The following PRKG1 variants were observed in gnomAD, a reference collection of about 807,000 sequenced individuals.
PRKG1 encodes cGMP-dependent protein kinase 1.
Under a neutral mutation model 88.1 loss-of-function variants are expected in PRKG1, and 35 were observed. The observed-to-expected ratio is 0.40, with a 90% confidence interval of 0.30 to 0.53. The LOEUF is 0.53. Among genes scored for constraint, PRKG1 ranks in the 20% least tolerant of loss-of-function variants. The pLI is 0.59. For synonymous variants in PRKG1, 303 were observed against 292.5 expected (o/e 1.04, Z -0.37); for missense variants, 540 against 839.8 (o/e 0.64, Z 4.41).
rs569445815 is a variant in PRKG1 at position 51,919,113 on chromosome 10, A to T, written c.762+11543A>T. Among the ~76,000 whole-genome samples the T allele has an allele frequency of 1.4e-4, 22 of 152,260 alleles. No individual in the cohort carries two copies. In the South Asian group the frequency reaches 3.3e-3, roughly 23 times the overall value. ...GTTCCAGGCCTCCCCAAGACCTTTG[A>T]CTACAGAGTACTTCTCTGAATCCAT... On this transcript the variant is annotated intron_variant, in intron 5 of 17. Transcript: ENST00000373980.
intron 7 of PRKG1, 44 bp downstream of exon 7, chr10:52,062,675 A>G (rs1284054574): frequency 6.8e-7 from 1 of 1,463,592 alleles, no homozygotes; most frequent in Admixed American, 1.9e-5. Flanking sequence ...TGAGTGCTAC[A>G]TAAATTTCTG....
intron 2 of PRKG1, among the ~76,000 whole-genome samples, chr10:51,309,520 G>A (rs950427162): frequency 3.4e-4 from 52 of 152,210 alleles, no homozygotes; most frequent in African/African-American, 1.2e-3. Flanking sequence ...CATCAGAAAA[G>A]AGCAAATTAA....
chr10:51,801,401 A>G (rs954073827), intron 3 of PRKG1, among the ~76,000 whole-genome samples: 1 of 152,170 alleles, frequency 6.6e-6, no homozygotes, highest in Non-Finnish European at 1.5e-5. Flanking sequence ...CTTAGCCAGT[A>G]GACTGTACAA....
chr10:51,034,668 TTATATATATATATA>T (rs1554831108), intron 1 of PRKG1, among the ~76,000 whole-genome samples: 13 of 68,188 alleles, frequency 1.9e-4, no homozygotes, highest in African/African-American at 6.0e-4. Context: ...AATATGTTAT[TTATATATATATATA>T]TATATATATA....
intron 2 of PRKG1, among the ~76,000 whole-genome samples, chr10:51,364,712 G>T (rs933990028): frequency 1.3e-5 from 2 of 151,808 alleles, no homozygotes; most frequent in African/African-American, 4.8e-5. Context: ...TAATTCTTTG[G>T]TGTAAATATC....
chr10:51,447,889 G>T (rs996558626), intron 2 of PRKG1, among the ~76,000 whole-genome samples: 5 of 152,034 alleles, frequency 3.3e-5, no homozygotes, highest in Non-Finnish European at 5.9e-5. Context: ...TCTAGCACAT[G>T]ACCATAAAAC....
At chr10:51,523,591 G>A (rs1457301082) in intron 3 of PRKG1, among the ~76,000 whole-genome samples, 2 of 152,136 alleles carry the variant, frequency 1.3e-5, no homozygotes, top group African/African-American at 4.8e-5. Flanking sequence ...GGATCATGGT[G>A]ACAATCTAAC....
intron 9 of PRKG1, among the ~76,000 whole-genome samples, chr10:52,171,575 A>T (rs974572673): frequency 6.6e-6 from 1 of 152,118 alleles, no homozygotes; most frequent in African/African-American, 2.4e-5. Flanking sequence ...ATTCTAGTAC[A>T]TGTAATCAGA....
rs531376411 is a variant in PRKG1, at chr10:51,122,989, G to A, written c.312-30175G>A. Among the ~76,000 whole-genome samples the A allele has an allele frequency of 2.6e-5, 4 of 152,184 alleles. No individual in the cohort carries two copies. In the South Asian group the frequency reaches 6.2e-4, roughly 24 times the overall value. Reference sequence around the variant, plus strand: ...TGCTTTCTGACAACACACAATGTAGGACAAACTTCTGCTTCCTTAGAACCT... The same window carrying A: ...TGCTTTCTGACAACACACAATGTAGAACAAACTTCTGCTTCCTTAGAACCT... On this transcript the variant is annotated intron_variant, in intron 1 of 17. Transcript: ENST00000373980.
At chr10:51,784,663 G>A (rs1838683373) in intron 3 of PRKG1, among the ~76,000 whole-genome samples, 1 of 152,060 alleles carries the variant, frequency 6.6e-6, no homozygotes, top group African/African-American at 2.4e-5. Context: ...CTTCTGATAA[G>A]CTACCCTTAG....
intron 8 of PRKG1, among the ~76,000 whole-genome samples, chr10:52,135,587 A>G (rs1837389737): frequency 6.6e-6 from 1 of 152,112 alleles, no homozygotes; most frequent in South Asian, 2.1e-4. Flanking sequence ...GTAAAACCAG[A>G]AGGTTTCACG....
At chr10:51,664,955 G>A (rs1840387208) in intron 3 of PRKG1, among the ~76,000 whole-genome samples, 1 of 152,118 alleles carries the variant, frequency 6.6e-6, no homozygotes, top group African/African-American at 2.4e-5. Context: ...CATCTGACCT[G>A]TGGACTTTTA....
intron 5 of PRKG1, among the ~76,000 whole-genome samples, chr10:51,983,279 A>T (rs1480025423): frequency 6.6e-6 from 1 of 152,142 alleles, no homozygotes; most frequent in Admixed American, 6.5e-5. Context: ...GTTACCCTCC[A>T]GGCCCCTAAT....
chr10:51,330,982 G>A (rs147326989), intron 2 of PRKG1, among the ~76,000 whole-genome samples: 21 of 152,276 alleles, frequency 1.4e-4, no homozygotes, highest in African/African-American at 5.1e-4. Flanking sequence ...GGGTGGCACG[G>A]TGCTCCTCAT....
chr10:51,751,320 C>T (rs1457778178), intron 3 of PRKG1, among the ~76,000 whole-genome samples: 1 of 152,168 alleles, frequency 6.6e-6, no homozygotes, highest in African/African-American at 2.4e-5. Context: ...TCACTGCAAC[C>T]TCTGCCTCCC....
rs181437570 is a variant in PRKG1 at position 52,088,132 on chromosome 10, A to C, written c.935+25501A>C. On this transcript the variant is annotated intron_variant, in intron 7 of 17. Coordinates refer to ENST00000373980, the MANE Select transcript of PRKG1 (RefSeq NM_006258.4). ...TGGGACATCATTCAGATTAACCTTTATATATGCATATTACTTTTTAAGGTT... is the reference window on the plus strand; with the variant it reads ...TGGGACATCATTCAGATTAACCTTTCTATATGCATATTACTTTTTAAGGTT... Among the ~76,000 whole-genome samples, 358 of 152,256 alleles carry C rather than the reference A, an allele frequency of 2.4e-3. 1 individual carries two copies. The highest frequency in any genetic ancestry group is 8.2e-3 in the African/African-American group (342 of 41,568).
chr10:51,136,461 G>T (rs953405535), intron 1 of PRKG1, among the ~76,000 whole-genome samples: 6 of 151,970 alleles, frequency 3.9e-5, no homozygotes, highest in African/African-American at 1.4e-4. Flanking sequence ...TAAATGAAAA[G>T]ATTTTAAAAA....
intron 2 of PRKG1, among the ~76,000 whole-genome samples, chr10:51,359,971 G>C (rs1052214840): frequency 6.6e-6 from 1 of 151,904 alleles, no homozygotes; most frequent in Non-Finnish European, 1.5e-5. Context: ...TGAATGACAA[G>C]GGTATTTTTA....
intron 5 of PRKG1, among the ~76,000 whole-genome samples, chr10:52,026,507 A>G (rs997197688): frequency 2.0e-5 from 3 of 152,204 alleles, no homozygotes; most frequent in African/African-American, 7.2e-5. Flanking sequence ...AAAATGAGCA[A>G]TTCCCTAGAG....
Sources: gnomAD v4.1 joint callset for allele counts (sites outside exome capture counted in the v4.1 genomes callset) on GRCh38, gnomAD v4.1.1 for gene constraint, MANE v1.5 for transcripts, NCBI Gene and HGNC (gene_info 2026-07-23, HGNC 2026-07-21) for gene names.